Variants in KCNH1 observed in about 807,000 individuals in gnomAD.
The protein encoded by KCNH1 is potassium voltage-gated channel subfamily H member 1, also known as voltage-gated delayed rectifier potassium channel KCNH1.
In KCNH1, 27 loss-of-function variants were observed where a neutral mutation model predicts 69.2. The ratio of observed to expected loss-of-function variants is 0.39; its 90% CI spans 0.29 to 0.54. KCNH1 has a LOEUF of 0.54. KCNH1 is among the 20% of genes least tolerant of loss of function. The pLI, the probability that KCNH1 is intolerant of heterozygous loss-of-function variation, is 0.68. For synonymous variants in KCNH1, 456 were observed against 487.7 expected (o/e 0.93, Z 0.86); for missense variants, 798 against 1,261.6 (o/e 0.63, Z 5.57).
At chr1:210,847,293 C>T (rs372870415) in intron 7 of KCNH1, among the ~76,000 whole-genome samples, 19 of 152,116 alleles carry the variant, frequency 1.2e-4, no homozygotes, top group South Asian at 6.2e-4. Flanking sequence ...ATGTTTATTG[C>T]GGCACTATTC....
At chr1:210,708,121 C>G (rs1321724071) in intron 10 of KCNH1, among the ~76,000 whole-genome samples, 1 of 152,172 alleles carries the variant, frequency 6.6e-6, no homozygotes, top group Non-Finnish European at 1.5e-5. Flanking sequence ...AAGAAGGAAT[C>G]CACTGTCTTA....
At chr1:210,816,437 C>T (rs1232695506) in intron 7 of KCNH1, among the ~76,000 whole-genome samples, 1 of 152,212 alleles carries the variant, frequency 6.6e-6, no homozygotes, top group Non-Finnish European at 1.5e-5. Flanking sequence ...AATAGCACCA[C>T]AGATAAAAGC....
At chr1:210,859,007 T>C in intron 7 of KCNH1, 1 of 387,576 alleles carries the variant, frequency 2.6e-6, no homozygotes, top group Non-Finnish European at 4.8e-6. Context: ...CAGTGCCAGG[T>C]TGCATGATCA....
rs149510200 is a variant in KCNH1 at position 211,013,816 on chromosome 1, G to A, written c.1032+4967C>T. Among the ~76,000 whole-genome samples the A allele has an allele frequency of 3.5e-4, 51 of 147,696 alleles. 1 individual carries two copies. The highest frequency in any genetic ancestry group is 1.3e-3 in the African/African-American group (51 of 39,840). On this transcript the variant is annotated intron_variant, in intron 6 of 10. Transcript: ENST00000271751. ...CAGCTGGGTGACAAAGTCCCTCTTG[G>A]GTAACAAATTGCCGTCCTCCCAGTT...
At position 210,920,158 on chromosome 1, in the gene KCNH1, A is replaced by G. The variant is rs1349531859; in HGVS notation, c.1033-89T>C. On this transcript the variant is annotated intron_variant, in intron 6 of 10. Transcript: ENST00000271751. ...CCCCACTTGGGCCATTATTTTAAGC[A>G]TAGTGTATTTCCATGAGATGCAATT... 7 of 1,170,766 alleles carry G rather than the reference A, an allele frequency of 6.0e-6. No individual in the cohort carries two copies. The East Asian group carries it at 1.2e-4, about 20-fold the overall frequency. 72.5% of individuals were successfully genotyped at this position (1,170,766 alleles called of 1,614,324 possible).
chr1:210,726,359 C>G (rs775470970), intron 10 of KCNH1, among the ~76,000 whole-genome samples: 1 of 152,156 alleles, frequency 6.6e-6, no homozygotes, highest in Non-Finnish European at 1.5e-5. Context: ...CAACTAATAG[C>G]TCAAGAAAGA....
intron 9 of KCNH1, among the ~76,000 whole-genome samples, chr1:210,788,737 C>T (rs1302449249): frequency 1.6e-4 from 21 of 130,786 alleles, no homozygotes; most frequent in African/African-American, 6.0e-4. Context: ...CGCTCTGTCG[C>T]CCAGGCTGGA....
chr1:210,819,611 A>C (rs1296029233), intron 7 of KCNH1, among the ~76,000 whole-genome samples: 1 of 152,196 alleles, frequency 6.6e-6, no homozygotes, highest in Non-Finnish European at 1.5e-5. Context: ...TAGGAAAAAA[A>C]AAACAGCATT....
chr1:210,868,214 C>A (rs1686156370), intron 7 of KCNH1, among the ~76,000 whole-genome samples: 1 of 152,028 alleles, frequency 6.6e-6, no homozygotes, highest in African/African-American at 2.4e-5. Context: ...TTAAATGGAA[C>A]ATCTTTTCAT....
At chr1:210,799,331 G>T (rs1207448829) in intron 8 of KCNH1, among the ~76,000 whole-genome samples, 1 of 152,130 alleles carries the variant, frequency 6.6e-6, no homozygotes, top group African/African-American at 2.4e-5. Context: ...TAGGTAGCTT[G>T]ACATTAGAGC....
Position 210,939,092 on chromosome 1 carries a change from T to C in KCNH1, c.1033-19023A>G, listed in dbSNP as rs1018147674. 2.6e-5 allele frequency among the ~76,000 whole-genome samples: 4 copies of C among 152,242 alleles called. No individual in the cohort carries two copies. The East Asian group carries it at 7.7e-4, about 29-fold the overall frequency. On this transcript the variant is annotated intron_variant, in intron 6 of 10. Coordinates refer to ENST00000271751, the MANE Select transcript of KCNH1 (RefSeq NM_172362.3). ...CCCATAGGCGGAGCTGGACATGCCC[T>C]CCTCTAGGCTCCCATGAATGGTCCT...
intron 10 of KCNH1, among the ~76,000 whole-genome samples, chr1:210,750,871 CTAATGT>C (rs1287717968): frequency 1.3e-4 from 20 of 152,054 alleles, no homozygotes; most frequent in African/African-American, 4.6e-4. Flanking sequence ...GAGAGCTCAT[CTAATGT>C]TCTCATTTTA....
At chr1:211,089,987 G>C (rs1478062344) in intron 4 of KCNH1, among the ~76,000 whole-genome samples, 2 of 152,170 alleles carry the variant, frequency 1.3e-5, no homozygotes, top group Non-Finnish European at 2.9e-5. Context: ...ATATGATATG[G>C]CTGAGGCGAG....
chr1:211,070,775 T>C (rs1420191348), intron 5 of KCNH1, among the ~76,000 whole-genome samples: 1 of 149,254 alleles, frequency 6.7e-6, no homozygotes, highest in Non-Finnish European at 1.5e-5. Flanking sequence ...TGAGCCAAGA[T>C]CATGCAATTG....
intron 10 of KCNH1, among the ~76,000 whole-genome samples, chr1:210,764,142 G>A (rs1048566625): frequency 6.6e-6 from 1 of 152,072 alleles, no homozygotes; most frequent in African/African-American, 2.4e-5. Flanking sequence ...TTCAATAAAT[G>A]ATACGAGAAA....
chr1:211,074,714 A>G (rs1571626323), intron 5 of KCNH1, among the ~76,000 whole-genome samples: 2 of 152,304 alleles, frequency 1.3e-5, no homozygotes, highest in East Asian at 1.9e-4. Flanking sequence ...TAATCAGTCA[A>G]TTTTCAGGAA....
chr1:210,815,773 T>C (rs780044470), intron 7 of KCNH1, among the ~76,000 whole-genome samples: 1 of 152,102 alleles, frequency 6.6e-6, no homozygotes, highest in Non-Finnish European at 1.5e-5. Context: ...ACTCAAGATA[T>C]GAAACTCCAT....
At chr1:211,074,556 TA>T (rs2102460442) in intron 5 of KCNH1, among the ~76,000 whole-genome samples, 1 of 152,318 alleles carries the variant, frequency 6.6e-6, no homozygotes, top group South Asian at 2.1e-4. Context: ...ATATGGATTA[TA>T]AAAATGTATA....
intron 5 of KCNH1, among the ~76,000 whole-genome samples, chr1:211,051,344 G>T (rs12117019): frequency 2.6e-5 from 4 of 151,996 alleles, no homozygotes; most frequent in Non-Finnish European, 5.9e-5. Flanking sequence ...TAATGGAGGC[G>T]GCAAACCTGA....
Sources: allele counts gnomAD v4.1 joint callset (sites outside exome capture counted in the v4.1 genomes callset), GRCh38; gene constraint gnomAD v4.1.1; transcripts MANE v1.5; gene names NCBI Gene and HGNC (gene_info 2026-07-23, HGNC 2026-07-21).